The following UBR4 variants were observed in gnomAD, a reference collection of about 807,000 sequenced individuals.
UBR4 encodes ubiquitin protein ligase E3 component n-recognin 4.
Under a neutral mutation model 575.6 loss-of-function variants are expected in UBR4, and 124 were observed. The ratio of observed to expected loss-of-function variants is 0.22; its 90% confidence interval spans 0.19 to 0.25. UBR4 has a LOEUF of 0.25. Among genes scored for constraint, UBR4 ranks in the 10% least tolerant of loss-of-function variants. The probability of loss-of-function intolerance (pLI) is 1.00; values close to 1 mark genes in which losing one functional copy is unlikely to be tolerated. For synonymous variants in UBR4, 2,455 were observed against 2,473.7 expected, an observed-to-expected ratio of 0.99 and a Z score of 0.22; for missense variants, 4,818 against 6,478.8, an observed-to-expected ratio of 0.74 and a Z score of 8.80.
chr1:19,097,132 T>C lies in UBR4; in HGVS notation c.13390+61A>G, dbSNP rs1172757834. ...AGCAACTGAGAATGCCCCTAAGTCCTGGGACGTGAGCCGCTCATGAGTCCC... is the reference window on the plus strand; with the variant it reads ...AGCAACTGAGAATGCCCCTAAGTCCCGGGACGTGAGCCGCTCATGAGTCCC... On this transcript the variant is annotated intron_variant, in intron 91 of 105. Coordinates refer to ENST00000375254, the MANE Select transcript of UBR4 (RefSeq NM_020765.3). The C allele has an allele frequency of 2.7e-6, 4 of 1,454,770 alleles. No individual in the cohort carries two copies. In the Admixed American group the frequency reaches 8.7e-5, roughly 32 times the overall value. 90.1% of individuals were successfully genotyped at this position (1,454,770 alleles called of 1,614,324 possible). A position where few individuals can be genotyped will look rare whatever the true frequency, so the allele number is the denominator to read the frequency against.
intron 24 of UBR4, 30 bp from the exon 25 acceptor site, chr1:19,173,123 G>T: frequency 6.2e-7 from 1 of 1,613,620 alleles, no homozygotes; most frequent in Non-Finnish European, 8.5e-7. Flanking sequence ...ATAATTAGCT[G>T]TGGCAATGGG....
At chr1:19,134,917 G>A (rs1202158837) in intron 60 of UBR4, among the ~76,000 whole-genome samples, 1 of 152,148 alleles carries the variant, frequency 6.6e-6, no homozygotes, top group East Asian at 1.9e-4. Flanking sequence ...GAAGAGGGGA[G>A]GAGAAAATGA....
chr1:19,172,801 CA>C, intron 25 of UBR4, 62 bp downstream of exon 25: 1 of 1,508,776 alleles, frequency 6.6e-7, no homozygotes, highest in Non-Finnish European at 9.2e-7. Context: ...AATTCTGAGT[CA>C]ATGCGGGATC....
At chr1:19,118,328 A>C in intron 71 of UBR4, 1 of 159,012 alleles carries the variant, frequency 6.3e-6, no homozygotes, top group Non-Finnish European at 1.4e-5. Context: ...TTTAACCAAT[A>C]TCCTCTTTTA....
Position 19,198,020 on chromosome 1 carries a change from A to T in UBR4, c.678T>A (p.Ser226=), listed in dbSNP as rs140607561. The T allele has an allele frequency of 6.6e-5, 107 of 1,614,010 alleles. No individual in the cohort carries two copies. The highest frequency in any genetic ancestry group is 8.6e-5 in the Non-Finnish European group (102 of 1,180,048). Residue 226 remains serine (S), a synonymous_variant, in exon 6 of 106, where the codon TCT becomes TCA. Coordinates refer to ENST00000375254, the MANE Select transcript of UBR4 (RefSeq NM_020765.3). ...TTTTGATAGCTGAGGCTTGATCTGT[A>T]GATGACTGCTCATCATTTTCTCCTT... ...LVEGENDEQS[S]TDQASAIKTK...
At chr1:19,108,544 C>T (rs2079490191) in intron 81 of UBR4, among the ~76,000 whole-genome samples, 2 of 152,008 alleles carry the variant, frequency 1.3e-5, no homozygotes, top group African/African-American at 4.8e-5. Flanking sequence ...TAGATTAGTA[C>T]CCAAGAGTGG....
chr1:19,120,199 G>A lies in UBR4; in HGVS notation c.10291C>T (p.Leu3431=). The A allele has an allele frequency of 1.9e-6, 3 of 1,614,180 alleles. No individual in the cohort carries two copies. Among genetic ancestry groups the A allele is most frequent in the Non-Finnish European group, 2.5e-6 (3 of 1,180,016 alleles). The stretch of plus-strand genomic sequence containing the variant: ...CCCTACCTGTAGATGTGCAGTGTCA[G>A]ACAGTGGGCCTGCCAGCGCACCGAG... ...SSSVRWQAHC[L]TLHIYRNSSK... is the part of the protein sequence containing the mutation. The change falls in exon 69 of 106, where the codon CTG becomes TTG. Residue 3431 remains leucine, a synonymous_variant. Coordinates refer to ENST00000375254, the MANE Select transcript of UBR4 (RefSeq NM_020765.3).
intron 73 of UBR4, among the ~76,000 whole-genome samples, chr1:19,116,053 T>A (rs1417551882): frequency 8.5e-5 from 13 of 152,210 alleles, no homozygotes; most frequent in Admixed American, 6.5e-4. Context: ...AATCAGGGTC[T>A]GAACCAAGTG....
At position 19,140,849 on chromosome 1, in the gene UBR4, G is replaced by A. The variant is rs1315160807; in HGVS notation, c.8532C>T (p.Ser2844=). The change falls in exon 58 of 106, where the codon TCC becomes TCT. Residue 2844 remains serine, a synonymous_variant. Coordinates refer to ENST00000375254, the MANE Select transcript of UBR4 (RefSeq NM_020765.3). ...SALGLQSLGL[S]GQAPSSSSLD... ...GAGAGGAAGAGCTGGGTGCCTGGCC[G>A]GACAGTCCCAGGCTCTGCAGGCCCA... The A allele has an allele frequency of 1.1e-5, 17 of 1,612,684 alleles. No individual in the cohort carries two copies. The East Asian group carries it at 1.1e-4, about 11-fold the overall frequency.
Position 19,117,746 on chromosome 1 carries a change from T to C in UBR4, c.10629+77A>G. On this transcript the variant is annotated intron_variant, in intron 72 of 105. Coordinates refer to ENST00000375254, the MANE Select transcript of UBR4 (RefSeq NM_020765.3). The surrounding 1 kb of genome is among the most constrained non-coding windows in gnomAD (Gnocchi z 4.0). Reference sequence around the variant, plus strand: ...CATTAGGAGAGGAACATCTATGTGATAATGATCCATCTCTGGAAACAAGAA... The same window carrying C: ...CATTAGGAGAGGAACATCTATGTGACAATGATCCATCTCTGGAAACAAGAA... The C allele has an allele frequency of 7.4e-7, 1 of 1,348,176 alleles. No homozygotes were observed. The highest frequency in any genetic ancestry group is 1.1e-6 in the Non-Finnish European group (1 of 943,420). The allele number at this position is 1,348,176 out of a possible 1,614,324, so 83.5% of individuals were successfully genotyped here. A position where few individuals can be genotyped will look rare whatever the true frequency, so the allele number is the denominator to read the frequency against.
chr1:19,164,153 G>A, intron 33 of UBR4, 100 bp downstream of exon 33: 2 of 1,374,344 alleles, frequency 1.5e-6, no homozygotes, highest in Non-Finnish European at 2.0e-6. Context: ...TGAAAGGGTA[G>A]AGATTCAAAT....
chr1:19,166,900 TA>T (rs11379504), intron 29 of UBR4, 121 bp downstream of exon 29: 982 of 990,158 alleles, frequency 9.9e-4, no homozygotes, highest in Non-Finnish European at 1.2e-3. Flanking sequence ...TGTCTCAGAA[TA>T]AAAAAAAAAC....
At chr1:19,097,374 T>A in intron 90 of UBR4, 94 bp from the exon 91 acceptor site, 1 of 985,382 alleles carries the variant, frequency 1.0e-6, no homozygotes, top group Non-Finnish European at 1.4e-6. Context: ...CCCAGCAATG[T>A]GGAGAGCCTC....
At chr1:19,137,128 C>A (rs1441924570) in intron 60 of UBR4, among the ~76,000 whole-genome samples, 1 of 151,886 alleles carries the variant, frequency 6.6e-6, no homozygotes, top group Non-Finnish European at 1.5e-5. Context: ...GGCAAAACTC[C>A]ATCTCTACAA....
At position 19,126,137 on chromosome 1, in the gene UBR4, CAT is replaced by C. The variant is rs113348797; in HGVS notation, c.9438+307_9438+308del. Among the ~76,000 whole-genome samples, 86 of 152,306 alleles carry C rather than the reference CAT, an allele frequency of 5.6e-4. 1 individual carries two copies. The South Asian group carries it at 7.5e-3, about 13-fold the overall frequency. On this transcript the variant is annotated intron_variant, in intron 64 of 105. Transcript: ENST00000375254. The stretch of plus-strand genomic sequence containing the variant: ...GACAGCACAGGGAATATCTGACACA[CAT>C]GTCATGACCCACAACTCATGACATT...
chr1:19,095,727 G>T, intron 92 of UBR4, 75 bp from the exon 93 acceptor site: 2 of 1,375,130 alleles, frequency 1.5e-6, no homozygotes, highest in Non-Finnish European at 2.1e-6. Flanking sequence ...GGAAAGGGAT[G>T]TCTAAGCAGG....
At chr1:19,101,732 T>C in intron 87 of UBR4, 91 bp from the exon 88 acceptor site, 1 of 1,534,238 alleles carries the variant, frequency 6.5e-7, no homozygotes, top group Admixed American at 1.9e-5. Context: ...CACTGACAAA[T>C]TATTTCTGCC....
chr1:19,145,666 C>T (rs935203816), intron 53 of UBR4, 127 bp downstream of exon 53: 51 of 1,243,792 alleles, frequency 4.1e-5, no homozygotes, highest in Non-Finnish European at 4.8e-5. Context: ...CTTCTACTTC[C>T]CAATTATGAG....
chr1:19,105,450 G>A (rs1350803787), intron 84 of UBR4, among the ~76,000 whole-genome samples: 1 of 152,210 alleles, frequency 6.6e-6, no homozygotes, highest in Non-Finnish European at 1.5e-5. Context: ...TGCTATGAGA[G>A]AATTAAATAA....
Sources: gnomAD v4.1 joint callset for allele counts (sites outside exome capture counted in the v4.1 genomes callset) on GRCh38, gnomAD v4.1.1 for gene constraint, Gnocchi (gnomAD v3.1) non-coding constraint, MANE v1.5 for transcripts, NCBI Gene and HGNC (gene_info 2026-07-23, HGNC 2026-07-21) for gene names.